The following DPP6 variants were observed in gnomAD, a reference collection of about 807,000 sequenced individuals.
DPP6 encodes A-type potassium channel modulatory protein DPP6.
A neutral mutation model predicts 122.6 loss-of-function variants in DPP6; 69 were observed. That is an observed-to-expected ratio of 0.56 (90% CI 0.46 to 0.69). The LOEUF is 0.69. DPP6 is among the 30% of genes least tolerant of loss of function. The pLI, the probability that DPP6 is intolerant of heterozygous loss-of-function variation, is 0.00. For synonymous variants in DPP6, 418 were observed against 433.1 expected (o/e 0.97, Z 0.43); for missense variants, 928 against 1,116.9 (o/e 0.83, Z 2.41).
At chr7:153,765,411 G>A in the DPP6 span, among the ~76,000 whole-genome samples, 2 of 151,978 alleles carry the variant, frequency 1.3e-5, no homozygotes, top group South Asian at 2.1e-4. Context: ...GCATGGTGGC[G>A]GGCACCTGTA....
At chr7:154,691,498 T>A (rs1443505309) in intron 7 of DPP6, among the ~76,000 whole-genome samples, 1 of 152,166 alleles carries the variant, frequency 6.6e-6, no homozygotes, top group Non-Finnish European at 1.5e-5. Flanking sequence ...TGAAACTTGT[T>A]TACATAAAGA....
intron 4 of DPP6, among the ~76,000 whole-genome samples, chr7:154,556,046 T>C (rs1276784729): frequency 6.6e-6 from 1 of 152,210 alleles, no homozygotes; most frequent in Non-Finnish European, 1.5e-5. Context: ...CACCTTTGTG[T>C]AGCCATGAAG....
At chr7:154,752,022 T>C (rs1043939358) in intron 8 of DPP6, among the ~76,000 whole-genome samples, 3 of 151,524 alleles carry the variant, frequency 2.0e-5, no homozygotes, top group Non-Finnish European at 4.4e-5. Flanking sequence ...GAAGACAGAG[T>C]TTATTGAAAG....
intron 5 of DPP6, among the ~76,000 whole-genome samples, chr7:154,582,811 T>A (rs1187073424): frequency 1.3e-5 from 2 of 152,176 alleles, no homozygotes; most frequent in African/African-American, 4.8e-5. Context: ...CACTCACTCT[T>A]CCGTGTGTCT....
intron 16 of DPP6, among the ~76,000 whole-genome samples, chr7:154,826,335 A>G (rs1800140280): frequency 6.6e-6 from 1 of 152,212 alleles, no homozygotes; most frequent in Non-Finnish European, 1.5e-5. Flanking sequence ...TTCTTGGTCA[A>G]TATCCCATAT....
At chr7:154,386,340 A>G (rs971579539) in intron 1 of DPP6, among the ~76,000 whole-genome samples, 6 of 151,148 alleles carry the variant, frequency 4.0e-5, no homozygotes, top group African/African-American at 1.5e-4. Context: ...CTTCTCCATG[A>G]GTAGGAGGAG....
At chr7:153,887,666 G>C (rs1459977316) in exon 1 of DPP6, 1 of 1,613,846 alleles carries the variant, frequency 6.2e-7, no homozygotes, top group Admixed American at 1.7e-5. Flanking sequence ...CAGAAGTCGG[G>C]TTCGGACTTG....
intron 1 of DPP6, among the ~76,000 whole-genome samples, chr7:154,275,448 A>G (rs1476657631): frequency 2.0e-5 from 3 of 152,202 alleles, no homozygotes; most frequent in East Asian, 1.9e-4. Context: ...GTTGTAGCCT[A>G]TGGACACCAG....
intron 1 of DPP6, among the ~76,000 whole-genome samples, chr7:154,099,060 TAGGCAC>T: frequency 6.6e-6 from 1 of 152,318 alleles, no homozygotes; most frequent in Middle Eastern, 3.4e-3. Flanking sequence ...TTTAGGAAGA[TAGGCAC>T]ATATTTTGCA....
chr7:154,809,512 A>G (rs1185108790), intron 16 of DPP6, among the ~76,000 whole-genome samples: 1 of 152,202 alleles, frequency 6.6e-6, no homozygotes, highest in Non-Finnish European at 1.5e-5. Context: ...GGGTCCTATC[A>G]GGAGCTGACT....
intron 3 of DPP6, among the ~76,000 whole-genome samples, chr7:154,501,222 T>G (rs1825213639): frequency 6.6e-6 from 1 of 150,954 alleles, no homozygotes; most frequent in African/African-American, 2.4e-5. Context: ...CATGAAAGTT[T>G]GGACAATTTG....
chr7:154,154,699 A>C (rs1452909879), intron 1 of DPP6, among the ~76,000 whole-genome samples: 1 of 152,316 alleles, frequency 6.6e-6, no homozygotes, highest in Non-Finnish European at 1.5e-5. Context: ...TGATTTCCCC[A>C]CTTTCAAATA....
At chr7:154,492,759 G>A (rs567091419) in intron 3 of DPP6, among the ~76,000 whole-genome samples, 2 of 152,082 alleles carry the variant, frequency 1.3e-5, no homozygotes, top group Admixed American at 1.3e-4. Flanking sequence ...AAAAGCCTTC[G>A]ATGTGGACCC....
At chr7:153,868,515 T>C in the DPP6 span, among the ~76,000 whole-genome samples, 48 of 152,352 alleles carry the variant, frequency 3.2e-4, no homozygotes, top group African/African-American at 1.1e-3. Context: ...TGTCATTTTT[T>C]ATTGCATCTA....
chr7:154,219,505 C>T (rs535236387), intron 1 of DPP6, among the ~76,000 whole-genome samples: 8 of 152,286 alleles, frequency 5.3e-5, no homozygotes, highest in African/African-American at 1.9e-4. Context: ...CTGAAGCTTA[C>T]CCATTGAAGA....
chr7:154,449,062 A>G (rs2151294474), intron 2 of DPP6, among the ~76,000 whole-genome samples: 1 of 152,354 alleles, frequency 6.6e-6, no homozygotes. Flanking sequence ...AATAAAAAAT[A>G]GATAAATTGG....
chr7:154,398,773 A>G (rs1815319632), intron 1 of DPP6, among the ~76,000 whole-genome samples: 2 of 152,128 alleles, frequency 1.3e-5, no homozygotes. Context: ...GAGGGGGGAA[A>G]TTATGTTTTG....
chr7:154,679,851 G>A (rs1489858266), intron 7 of DPP6, among the ~76,000 whole-genome samples: 2 of 152,152 alleles, frequency 1.3e-5, no homozygotes, highest in Non-Finnish European at 2.9e-5. Flanking sequence ...ATAATGGATG[G>A]AGACAGTTTG....
intron 3 of DPP6, among the ~76,000 whole-genome samples, chr7:154,513,973 G>A (rs1463161987): frequency 2.6e-5 from 4 of 152,152 alleles, no homozygotes; most frequent in Non-Finnish European, 5.9e-5. Context: ...GGGTCTGAAT[G>A]AAATTAAGAA....
Sources: allele counts gnomAD v4.1 joint callset (sites outside exome capture counted in the v4.1 genomes callset), GRCh38; gene constraint gnomAD v4.1.1; transcripts MANE v1.5; gene names NCBI Gene and HGNC (gene_info 2026-07-23, HGNC 2026-07-21).